MROH7: variants seen among roughly 807,000 people sequenced by gnomAD.
MROH7 encodes the protein maestro heat-like repeat-containing protein family member 7.
A neutral mutation model predicts 129.2 loss-of-function variants in MROH7; 113 were observed. The ratio of observed to expected loss-of-function variants is 0.87; its 90% confidence interval spans 0.75 to 1.02. MROH7 has a LOEUF of 1.02. Among genes scored for constraint, MROH7 ranks in the 50% least tolerant of loss-of-function variants. The pLI, the probability that MROH7 is intolerant of heterozygous loss-of-function variation, is 0.00. For synonymous variants in MROH7, 655 were observed against 667.9 expected, an observed-to-expected ratio of 0.98 and a Z score of 0.30; for missense variants, 1,601 against 1,671.3, an observed-to-expected ratio of 0.96 and a Z score of 0.73.
chr1:54,679,959 G>T lies in MROH7; in HGVS notation c.2295G>T (p.Val765=). 6.2e-7 allele frequency: 1 copy of T among 1,613,962 alleles called. No homozygotes were observed. Among genetic ancestry groups the T allele is most frequent in the Non-Finnish European group, 8.5e-7 (1 of 1,179,962 alleles). Residue 765 remains valine, a synonymous_variant, in exon 13 of 24, where the codon GTG becomes GTT. Coordinates refer to ENST00000421030, the MANE Select transcript of MROH7 (RefSeq NM_001039464.4). ...SHIQEPRARQ[V]ALLPVSLLAS... ...TCCAGGAGCCTCGGGCCCGCCAGGT[G>T]GCCCTGCTGCCCGTCTCCCTCCTGG...
At chr1:54,677,287 T>C (rs1644997603) in intron 10 of MROH7, among the ~76,000 whole-genome samples, 1 of 152,154 alleles carries the variant, frequency 6.6e-6, no homozygotes, top group African/African-American at 2.4e-5. Flanking sequence ...TAGTCCCCAC[T>C]ACTTGAGAGG....
chr1:54,691,803 AGTGTGTGTGTGT>A (rs373106798), intron 15 of MROH7, among the ~76,000 whole-genome samples: 24 of 104,186 alleles, frequency 2.3e-4, no homozygotes, highest in Admixed American at 2.0e-3. Context: ...AAAAAAAAAA[AGTGTGTGTGTGT>A]GTGTGTGTGT....
At chr1:54,679,468 C>A (rs1443966378) in intron 12 of MROH7, 29 bp downstream of exon 12, 1 of 1,603,902 alleles carries the variant, frequency 6.2e-7, no homozygotes, top group East Asian at 2.2e-5. Context: ...AGGGAGTGAA[C>A]TGTCACTGGG....
At chr1:54,698,666 G>C (rs1469513443) in intron 17 of MROH7, 1 of 152,460 alleles carries the variant, frequency 6.6e-6, no homozygotes, top group Non-Finnish European at 1.5e-5. Flanking sequence ...GGGGAGGCCA[G>C]TGGGGGAGAG....
At chr1:54,695,224 T>G (rs775535931) in intron 16 of MROH7, 152 bp from the exon 17 acceptor site, 59 of 613,864 alleles carry the variant, frequency 9.6e-5, no homozygotes, top group Non-Finnish European at 1.6e-4. Flanking sequence ...CCAGATGACC[T>G]CTGAGATCCC....
In MROH7 at chr1:54,686,472, C is replaced by T. The variant is rs767684557; in HGVS notation, c.2711+24C>T. 2.5e-6 allele frequency: 4 copies of T among 1,600,422 alleles called. No homozygotes were observed. In the South Asian group the frequency reaches 4.5e-5, roughly 18 times the overall value. On this transcript the variant is annotated intron_variant, in intron 15 of 23. Transcript: ENST00000421030. The stretch of plus-strand genomic sequence containing the variant: ...CGGTATGCTCTGCCCTCTCTCTTGA[C>T]CCTGCTGTCCCCGGTGGTGGGAAGG...
rs186415156 is a variant in MROH7, at chr1:54,670,951, A to T, written c.1599+22A>T. On this transcript the variant is annotated intron_variant, in intron 7 of 23. Coordinates refer to ENST00000421030, the MANE Select transcript of MROH7 (RefSeq NM_001039464.4). ...CCAGGTGAGGCGGGACCTTCCCAGC[A>T]GGGCCTCAGGGCTGGCCCATGTTCT... 1.3e-4 allele frequency: 209 copies of T among 1,575,036 alleles called. No homozygotes were observed. The African/African-American group carries it at 2.6e-3, about 19-fold the overall frequency.
intron 1 of MROH7, among the ~76,000 whole-genome samples, chr1:54,649,384 T>C (rs1474209084): frequency 1.3e-5 from 2 of 152,384 alleles, no homozygotes; most frequent in Admixed American, 1.3e-4. Flanking sequence ...AGTGAGCTCC[T>C]TTAGCTCCTG....
In MROH7 at chr1:54,695,485, G is replaced by A. The variant is rs774547766; in HGVS notation, c.2959G>A (p.Val987Met). 26 of 1,611,996 alleles carry A rather than the reference G, an allele frequency of 1.6e-5. No individual in the cohort carries two copies. The highest frequency in any genetic ancestry group is 1.6e-4 in the East Asian group (7 of 44,824). Residue 987 changes from valine (V) to methionine (M), a missense_variant, in exon 17 of 24, where the codon GTG (valine) becomes ATG (methionine). Physicochemically the swap from Val to Met is conservative, Grantham distance 21 (BLOSUM62 1). Transcript: ENST00000421030. The part of the protein sequence containing the change: ...KHRITATAFF[V>M]ELLQMEQVRR... ...CAGGATCACGGCCACCGCCTTCTTC[G>A]TGGAGGTACCAACGGGGGCAGCGGG...
At position 54,695,360 on chromosome 1, in the gene MROH7, C is replaced by T. The variant is rs1194845449; in HGVS notation, c.2850-16C>T. On this transcript the variant is annotated splice_polypyrimidine_tract_variant and intron_variant, in intron 16 of 23. Transcript: ENST00000421030. ...GCTGGATACCTGAGGGGACTACTCCCCCTTCCCACCCCCAGGGCCATGGTG... is the reference window on the plus strand; with the variant it reads ...GCTGGATACCTGAGGGGACTACTCCTCCTTCCCACCCCCAGGGCCATGGTG... 2 of 1,542,132 alleles carry T rather than the reference C, an allele frequency of 1.3e-6. No homozygotes were observed. The highest frequency in any genetic ancestry group is 1.7e-4 in the Middle Eastern group (1 of 5,946).
chr1:54,694,846 A>T (rs1645295551), intron 16 of MROH7, among the ~76,000 whole-genome samples: 1 of 152,296 alleles, frequency 6.6e-6, no homozygotes. Flanking sequence ...CCACTGGCTT[A>T]GTAGAATGAA....
At chr1:54,690,633 C>T (rs1027173356) in intron 15 of MROH7, among the ~76,000 whole-genome samples, 7 of 152,080 alleles carry the variant, frequency 4.6e-5, no homozygotes, top group Non-Finnish European at 1.0e-4. Flanking sequence ...TTAGTAGAGA[C>T]AGGATTTCAC....
At chr1:54,705,484 G>T (rs774910089) in intron 21 of MROH7, among the ~76,000 whole-genome samples, 3 of 152,194 alleles carry the variant, frequency 2.0e-5, no homozygotes, top group Non-Finnish European at 4.4e-5. Context: ...GGATGAGCAA[G>T]ATCTGCTAGA....
Position 54,702,717 on chromosome 1 carries a change from A to G in MROH7, c.3536A>G (p.Gln1179Arg), listed in dbSNP as rs368991246. The G allele has an allele frequency of 6.2e-7, 1 of 1,613,544 alleles. No homozygotes were observed. The highest frequency in any genetic ancestry group is 1.3e-5 in the African/African-American group (1 of 74,916). ...CGGAAGCCCTGGGACAACCAACAGC[A>G]GACAGTGGCCAAAATTTGCAAGTGC... The part of the protein sequence containing the change: ...YSRKPWDNQQ[Q>R]TVAKICKCLV... The change falls in exon 21 of 24, where the codon CAG (glutamine) becomes CGG (arginine). Residue 1179 changes from glutamine to arginine, a missense_variant. Transcript: ENST00000421030.
rs184594095 is a variant in MROH7 at position 54,646,327 on chromosome 1, C to T, written c.-110+4359C>T. On this transcript the variant is annotated intron_variant, in intron 1 of 23. Transcript: ENST00000421030. ...GGAGACCCTCTCTGTTGGGCTTCCT[C>T]TTTCCGGGTCTTTTTGGCTGGAGAA... is the stretch of plus-strand genomic sequence containing the variant. Among the ~76,000 whole-genome samples the T allele has an allele frequency of 5.8e-3, 361 of 62,620 alleles. 1 individual carries two copies. In the Middle Eastern group the frequency reaches 0.061, roughly 11 times the overall value. 41.1% of individuals were successfully genotyped at this position (62,620 alleles called of 152,430 possible).
intron 14 of MROH7, among the ~76,000 whole-genome samples, chr1:54,683,787 C>T (rs1247850670): frequency 6.6e-6 from 1 of 152,200 alleles, no homozygotes; most frequent in African/African-American, 2.4e-5. Context: ...CTAGAATGCT[C>T]TCCACCGAGC....
At chr1:54,694,071 G>A (rs927907117) in intron 16 of MROH7, among the ~76,000 whole-genome samples, 15 of 152,220 alleles carry the variant, frequency 9.9e-5, no homozygotes, top group Admixed American at 8.5e-4. Flanking sequence ...TAGTAGAGAC[G>A]GAGTTTCACT....
chr1:54,704,666 G>A (rs1645499347), intron 21 of MROH7, among the ~76,000 whole-genome samples: 2 of 151,570 alleles, frequency 1.3e-5, no homozygotes, highest in South Asian at 2.1e-4. Flanking sequence ...TGGTGGTCTC[G>A]AACTCCTGAC....
chr1:54,675,554 G>A (rs886979479), intron 10 of MROH7, among the ~76,000 whole-genome samples: 1 of 151,888 alleles, frequency 6.6e-6, no homozygotes, highest in Non-Finnish European at 1.5e-5. Context: ...CAGCTTTAGG[G>A]GTAGGAGTAG....
Sources: gnomAD v4.1 joint callset for allele counts (sites outside exome capture counted in the v4.1 genomes callset) on GRCh38, gnomAD v4.1.1 for gene constraint, MANE v1.5 for transcripts, NCBI Gene and HGNC (gene_info 2026-07-23, HGNC 2026-07-21) for gene names.